Variants in SCAPER observed in about 807,000 individuals in gnomAD.
SCAPER encodes S-phase cyclin A associated protein in the ER, also known as S phase cyclin A-associated protein in the endoplasmic reticulum.
Under a neutral mutation model 182.2 loss-of-function variants are expected in SCAPER, and 98 were observed. That is an observed-to-expected ratio of 0.54 (90% CI 0.46 to 0.64). The LOEUF is 0.64. Among genes scored for constraint, SCAPER ranks in the 30% least tolerant of loss-of-function variants. The pLI is 0.00. For synonymous variants in SCAPER, 605 were observed against 564.6 expected, an observed-to-expected ratio of 1.07 and a Z score of -1.01; for missense variants, 1,432 against 1,690.0, an observed-to-expected ratio of 0.85 and a Z score of 2.68.
chr15:76,352,076 A>C (rs1234370636), intron 30 of SCAPER, among the ~76,000 whole-genome samples: 1 of 152,156 alleles, frequency 6.6e-6, no homozygotes, highest in African/African-American at 2.4e-5. Context: ...GCAGTTGAAA[A>C]CATAAGGAAC....
intron 5 of SCAPER, among the ~76,000 whole-genome samples, chr15:76,808,311 C>T (rs1234736916): frequency 1.3e-5 from 2 of 152,120 alleles, no homozygotes; most frequent in Non-Finnish European, 2.9e-5. Context: ...ACCTGCTGCC[C>T]CTTTTCCCCT....
intron 5 of SCAPER, among the ~76,000 whole-genome samples, chr15:76,820,772 A>C (rs2067480811): frequency 6.6e-6 from 1 of 152,034 alleles, no homozygotes; most frequent in Admixed American, 6.5e-5. Flanking sequence ...GAAAAAAAAA[A>C]CTCAACAATA....
chr15:76,376,048 G>C, intron 29 of SCAPER, 114 bp downstream of exon 29: 1 of 1,328,544 alleles, frequency 7.5e-7, no homozygotes, highest in Non-Finnish European at 1.0e-6. Context: ...TCTGGTTAAA[G>C]GGCTTTACAG....
chr15:76,718,371 C>T (rs543750462), intron 17 of SCAPER, among the ~76,000 whole-genome samples: 1 of 152,130 alleles, frequency 6.6e-6, no homozygotes, highest in South Asian at 2.1e-4. Context: ...GTCCATATAT[C>T]TAATAGAGAG....
chr15:76,546,775 C>T (rs544404705), intron 23 of SCAPER, among the ~76,000 whole-genome samples: 18 of 152,136 alleles, frequency 1.2e-4, no homozygotes, highest in African/African-American at 2.6e-4. Flanking sequence ...TTAAGTTTTA[C>T]GACTTAAAAG....
chr15:76,429,357 A>C (rs2046697826), intron 26 of SCAPER, among the ~76,000 whole-genome samples: 1 of 152,208 alleles, frequency 6.6e-6, no homozygotes, highest in South Asian at 2.1e-4. Flanking sequence ...ACTGGGTAAC[A>C]GGTAAAGGTT....
intron 5 of SCAPER, among the ~76,000 whole-genome samples, chr15:76,834,971 T>C (rs2068806534): frequency 6.6e-6 from 1 of 152,054 alleles, no homozygotes; most frequent in Non-Finnish European, 1.5e-5. Context: ...CCATCAGATA[T>C]ACAAAGAAGA....
At chr15:76,665,964 A>G (rs1183275115) in intron 20 of SCAPER, among the ~76,000 whole-genome samples, 175 bp from the exon 21 acceptor site, 3 of 152,152 alleles carry the variant, frequency 2.0e-5, no homozygotes, top group Admixed American at 2.0e-4. Flanking sequence ...TTACTTAAGG[A>G]TTTTACATCA....
intron 17 of SCAPER, among the ~76,000 whole-genome samples, chr15:76,727,414 C>A (rs764668083): frequency 6.6e-6 from 1 of 151,958 alleles, no homozygotes; most frequent in African/African-American, 2.4e-5. Context: ...TGGACCAGAA[C>A]ACAACAGTCC....
At chr15:76,715,846 T>C (rs1273828526) in intron 17 of SCAPER, among the ~76,000 whole-genome samples, 2 of 152,126 alleles carry the variant, frequency 1.3e-5, no homozygotes, top group African/African-American at 4.8e-5. Context: ...TGCTAGGGTA[T>C]GCCCCACAGA....
At chr15:76,537,739 G>C (rs1567387370) in intron 23 of SCAPER, among the ~76,000 whole-genome samples, 1 of 152,092 alleles carries the variant, frequency 6.6e-6, no homozygotes, top group Non-Finnish European at 1.5e-5. Flanking sequence ...AAACTAAAGA[G>C]CTTCTGCACA....
intron 21 of SCAPER, among the ~76,000 whole-genome samples, chr15:76,659,431 T>C (rs1905694): frequency 0.14 from 20,986 of 152,158 alleles, 1,515 homozygotes; most frequent in African/African-American, 0.19. Flanking sequence ...CACTATGCAC[T>C]GCTAACTTTT....
chr15:76,800,155 A>AGTTTTTTTTTTTTTTTTTTTT (rs2065653684), intron 7 of SCAPER, 93 bp downstream of exon 7: 1 of 698,884 alleles, frequency 1.4e-6, no homozygotes, highest in East Asian at 2.8e-5. Flanking sequence ...ATACATGGAT[A>AGTTTTTTTTTTTTTTTTTTTT]TTTTTATAGT....
At chr15:76,613,469 A>C (rs574140585) in intron 22 of SCAPER, among the ~76,000 whole-genome samples, 1 of 152,338 alleles carries the variant, frequency 6.6e-6, no homozygotes, top group African/African-American at 2.4e-5. Context: ...AGAAACTATC[A>C]ACAGGGTAAA....
chr15:76,533,691 T>C (rs971031540), intron 23 of SCAPER, among the ~76,000 whole-genome samples: 1 of 123,984 alleles, frequency 8.1e-6, no homozygotes, highest in Non-Finnish European at 1.7e-5. Flanking sequence ...TCCTTCACTC[T>C]TGCTCAGTAA....
At chr15:76,555,674 A>C (rs1313995589) in intron 23 of SCAPER, among the ~76,000 whole-genome samples, 2 of 152,232 alleles carry the variant, frequency 1.3e-5, no homozygotes, top group African/African-American at 4.8e-5. Flanking sequence ...GATTCAATTC[A>C]ACAAGAAGAC....
chr15:76,542,902 C>T (rs1332760898), intron 23 of SCAPER, among the ~76,000 whole-genome samples: 1 of 152,084 alleles, frequency 6.6e-6, no homozygotes, highest in Non-Finnish European at 1.5e-5. Context: ...TCGTAAAATG[C>T]CTCTTGGTTT....
chr15:76,627,731 G>T (rs965487201), intron 21 of SCAPER, among the ~76,000 whole-genome samples: 2 of 151,812 alleles, frequency 1.3e-5, no homozygotes, highest in African/African-American at 4.8e-5. Flanking sequence ...CTTTTTTATT[G>T]TGAATAGTGC....
At chr15:76,689,302 G>A (rs1250075026) in intron 20 of SCAPER, among the ~76,000 whole-genome samples, 1 of 152,014 alleles carries the variant, frequency 6.6e-6, no homozygotes, top group East Asian at 1.9e-4. Flanking sequence ...GAGAGAGAAA[G>A]AGACTGAAAA....
Sources: gnomAD v4.1 joint callset for allele counts (sites outside exome capture counted in the v4.1 genomes callset) on GRCh38, gnomAD v4.1.1 for gene constraint, MANE v1.5 for transcripts, NCBI Gene and HGNC (gene_info 2026-07-23, HGNC 2026-07-21) for gene names.